SLC35F4: variants seen among roughly 807,000 people sequenced by gnomAD.
SLC35F4 encodes the protein solute carrier family 35 member F4.
Under a neutral mutation model 44.2 loss-of-function variants are expected in SLC35F4, and 24 were observed. The ratio of observed to expected loss-of-function variants is 0.54; its 90% confidence interval spans 0.39 to 0.76. The LOEUF is 0.76. SLC35F4 is among the 30% of genes least tolerant of loss of function. SLC35F4 has a pLI of 0.00. For synonymous variants in SLC35F4, 238 were observed against 223.6 expected, an observed-to-expected ratio of 1.06 and a Z score of -0.57; for missense variants, 562 against 586.1, an observed-to-expected ratio of 0.96 and a Z score of 0.42.
intron 1 of SLC35F4, among the ~76,000 whole-genome samples, chr14:57,704,920 G>C (rs1424734166): frequency 6.6e-6 from 1 of 152,170 alleles, no homozygotes; most frequent in African/African-American, 2.4e-5. Context: ...GTGGAAGTCA[G>C]AAGTGCTCCT....
chr14:57,946,469 CTTTTTTT>C (rs71104596), intron 1 of SLC35F4, among the ~76,000 whole-genome samples: 5 of 78,212 alleles, frequency 6.4e-5, no homozygotes, highest in Admixed American at 4.7e-4. Context: ...GTTTTCTTTT[CTTTTTTT>C]TTTTTTTTTT....
chr14:57,622,041 T>C (rs1253567694), intron 1 of SLC35F4, among the ~76,000 whole-genome samples: 1 of 150,424 alleles, frequency 6.6e-6, no homozygotes, highest in Non-Finnish European at 1.5e-5. Context: ...AGAAGACATT[T>C]ATGCAGCCAA....
intron 1 of SLC35F4, among the ~76,000 whole-genome samples, chr14:57,903,948 A>C (rs1595279418): frequency 6.6e-6 from 1 of 152,230 alleles, no homozygotes; most frequent in Non-Finnish European, 1.5e-5. Flanking sequence ...TTCTATCTCT[A>C]AACAACTTAA....
chr14:57,680,311 CA>C (rs1389872348), intron 1 of SLC35F4, among the ~76,000 whole-genome samples: 3 of 151,918 alleles, frequency 2.0e-5, no homozygotes, highest in African/African-American at 7.3e-5. Flanking sequence ...AGGCTTTTGA[CA>C]AAATTCAACA....
At chr14:57,881,823 C>T (rs950519846) in intron 1 of SLC35F4, among the ~76,000 whole-genome samples, 5 of 152,072 alleles carry the variant, frequency 3.3e-5, no homozygotes, top group Non-Finnish European at 5.9e-5. Context: ...TGGTTTAAAG[C>T]TTAATCAAAT....
At chr14:57,980,963 A>T (rs1001654963) in intron 1 of SLC35F4, among the ~76,000 whole-genome samples, 3 of 151,970 alleles carry the variant, frequency 2.0e-5, no homozygotes, top group Non-Finnish European at 4.4e-5. Flanking sequence ...GTTGTCAACA[A>T]CCAAACCAAT....
chr14:57,719,278 C>T (rs1356662816), intron 1 of SLC35F4, among the ~76,000 whole-genome samples: 1 of 151,936 alleles, frequency 6.6e-6, no homozygotes, highest in African/African-American at 2.4e-5. Flanking sequence ...GGGATTCCTC[C>T]AGTTTTGTTA....
intron 1 of SLC35F4, chr14:57,602,686 T>G (rs1020072820): frequency 4.6e-5 from 7 of 152,204 alleles, no homozygotes; most frequent in African/African-American, 1.7e-4. Context: ...AGTGACACTT[T>G]CCCTGGGTCT....
At chr14:57,917,424 A>T (rs1441514818) in intron 1 of SLC35F4, among the ~76,000 whole-genome samples, 1 of 152,000 alleles carries the variant, frequency 6.6e-6, no homozygotes, top group African/African-American at 2.4e-5. Flanking sequence ...ACCTTTTAGC[A>T]TATTAATCAC....
intron 1 of SLC35F4, among the ~76,000 whole-genome samples, chr14:57,732,642 G>T (rs1044550585): frequency 1.3e-5 from 2 of 152,156 alleles, no homozygotes; most frequent in Non-Finnish European, 2.9e-5. Context: ...TTTAGTTGAA[G>T]CAACAGGCAG....
chr14:57,790,930 T>C (rs979782463), intron 1 of SLC35F4, among the ~76,000 whole-genome samples: 3 of 152,134 alleles, frequency 2.0e-5, no homozygotes, highest in Admixed American at 1.3e-4. Flanking sequence ...TGGCTAGCCG[T>C]ATGCGGAAAA....
intron 1 of SLC35F4, among the ~76,000 whole-genome samples, chr14:57,662,817 ACTAAAGG>A (rs1479159299): frequency 6.6e-6 from 1 of 151,996 alleles, no homozygotes; most frequent in Non-Finnish European, 1.5e-5. Context: ...CTGTTATTCC[ACTAAAGG>A]CTGATCTCTG....
At chr14:57,618,021 T>G (rs552868910) in intron 1 of SLC35F4, among the ~76,000 whole-genome samples, 7 of 152,184 alleles carry the variant, frequency 4.6e-5, no homozygotes, top group African/African-American at 1.7e-4. Flanking sequence ...TGTCTTATGA[T>G]GAGAGTTGTT....
At chr14:57,652,725 A>G (rs2073830715) in intron 1 of SLC35F4, among the ~76,000 whole-genome samples, 1 of 152,124 alleles carries the variant, frequency 6.6e-6, no homozygotes, top group Admixed American at 6.6e-5. Context: ...AGTAACCCCC[A>G]CACAAAGAAC....
chr14:57,603,802 C>A (rs1037594104), intron 1 of SLC35F4, among the ~76,000 whole-genome samples: 1 of 152,212 alleles, frequency 6.6e-6, no homozygotes, highest in African/African-American at 2.4e-5. Context: ...CAGTGGCTTG[C>A]AACCAAGAGT....
At chr14:57,959,143 T>C (rs548265203) in intron 1 of SLC35F4, among the ~76,000 whole-genome samples, 34 of 152,322 alleles carry the variant, frequency 2.2e-4, no homozygotes, top group African/African-American at 8.2e-4. Context: ...AGGCACTGTG[T>C]GAACAATACT....
intron 1 of SLC35F4, among the ~76,000 whole-genome samples, chr14:57,616,482 G>A (rs2071836678): frequency 1.3e-5 from 2 of 152,190 alleles, no homozygotes. Flanking sequence ...AGCACAAGAG[G>A]ATTCTTGCCC....
chr14:57,751,073 T>A (rs1228115958), intron 1 of SLC35F4, among the ~76,000 whole-genome samples: 4 of 152,196 alleles, frequency 2.6e-5, no homozygotes, highest in African/African-American at 9.7e-5. Flanking sequence ...AACCAATGTG[T>A]CAAACATGGG....
chr14:57,789,798 T>G, intron 1 of SLC35F4, among the ~76,000 whole-genome samples: 1 of 152,164 alleles, frequency 6.6e-6, no homozygotes, highest in Non-Finnish European at 1.5e-5. Flanking sequence ...TTATCCACCA[T>G]TATCAAGTTG....
Sources: allele counts gnomAD v4.1 joint callset (sites outside exome capture counted in the v4.1 genomes callset), GRCh38; gene constraint gnomAD v4.1.1; transcripts MANE v1.5; gene names NCBI Gene and HGNC (gene_info 2026-07-23, HGNC 2026-07-21).